The following GATA4 variants were observed in gnomAD, a reference collection of about 807,000 sequenced individuals.
GATA4 encodes the protein GATA binding protein 4.
GATA4 carries 7 observed loss-of-function variants against 37.9 expected under a neutral mutation model. The observed-to-expected ratio is 0.18, with a 90% confidence interval of 0.11 to 0.35. GATA4 has a LOEUF of 0.35. Ranked by LOEUF, GATA4 falls within the 10% of genes least tolerant of loss-of-function variation. GATA4 has a pLI of 1.00. For missense variants in GATA4, 647 were observed against 653.0 expected (o/e 0.99, Z 0.10); for synonymous variants, 372 against 292.6 (o/e 1.27, Z -2.77).
chr8:11,692,475 C>G (rs1024238326), upstream of GATA4: 8 of 969,636 alleles, frequency 8.3e-6, no homozygotes, highest in Non-Finnish European at 9.8e-6. Context: ...TGACCGGTGT[C>G]CTGAATTTTC....
chr8:11,681,491 G>A, intron 1 of GATA4: 4 of 731,948 alleles, frequency 5.5e-6, no homozygotes, highest in Non-Finnish European at 6.0e-6. Context: ...TGCGGCGCTC[G>A]CGGGGGGGGG....
At chr8:11,688,381 T>G (rs930662824), upstream of GATA4, among the ~76,000 whole-genome samples, 8 of 152,264 alleles carry the variant, frequency 5.3e-5, no homozygotes, top group African/African-American at 1.9e-4. Flanking sequence ...TTCATTCTTT[T>G]GAGTATGTAT....
Position 11,708,544 on chromosome 8 carries a change from G to A in GATA4, c.232G>A (p.Ala78Thr). 2 of 1,431,156 alleles carry A rather than the reference G, an allele frequency of 1.4e-6. No individual in the cohort carries two copies. Among genetic ancestry groups the A allele is most frequent in the Non-Finnish European group, 1.8e-6 (2 of 1,100,092 alleles). The allele number at this position is 1,431,156 out of a possible 1,614,324, so 88.7% of individuals were successfully genotyped here. The change falls in exon 2 of 7, where the codon GCG (alanine) becomes ACG (threonine). Residue 78 changes from alanine (A) to threonine (T), a missense_variant. Physicochemically the swap from Ala to Thr is moderately conservative, Grantham distance 58 (BLOSUM62 0). Coordinates refer to ENST00000532059, the MANE Select transcript of GATA4 (RefSeq NM_001308093.3). This position sits in a 1 kb window ranked among gnomAD's most constrained non-coding sequence, Gnocchi z 6.7. ...GGSSGGAASGAGPGTQQGSPG... is the reference protein window; with the variant it reads ...GGSSGGAASGTGPGTQQGSPG... Reference sequence around the variant, plus strand: ...CAGCTCCGGTGGGGCCGCGTCTGGTGCGGGGCCCGGGACCCAGCAGGGCAG... The same window carrying A: ...CAGCTCCGGTGGGGCCGCGTCTGGTACGGGGCCCGGGACCCAGCAGGGCAG...
At position 11,754,418 on chromosome 8, in the gene GATA4, A is replaced by G. The variant is rs146592884; in HGVS notation, c.913-628A>G. Among the ~76,000 whole-genome samples, 349 of 152,210 alleles carry G rather than the reference A, an allele frequency of 2.3e-3. 2 individuals are homozygous for G. Among genetic ancestry groups the G allele is most frequent in the Admixed American group, 0.016 (249 of 15,298 alleles). Reference sequence around the variant, plus strand: ...TTTTTTGTAGAGATGGGGTCTCACTATGTTGCCAAGGATGGTCTCGAACTC... The same window carrying G: ...TTTTTTGTAGAGATGGGGTCTCACTGTGTTGCCAAGGATGGTCTCGAACTC... On this transcript the variant is annotated intron_variant, in intron 4 of 6. Coordinates refer to ENST00000532059, the MANE Select transcript of GATA4 (RefSeq NM_001308093.3).
At chr8:11,727,263 G>A (rs990114354) in intron 2 of GATA4, among the ~76,000 whole-genome samples, 2 of 152,158 alleles carry the variant, frequency 1.3e-5, no homozygotes, top group African/African-American at 4.8e-5. Context: ...CACATCTCCA[G>A]GAGTGGCATT....
upstream of GATA4, chr8:11,692,180 C>T (rs1799335473): frequency 2.9e-6 from 1 of 344,906 alleles, no homozygotes; most frequent in Admixed American, 6.5e-5. Context: ...CCTACTTCCC[C>T]AAAGGCAAGA....
At chr8:11,714,593 C>T (rs901773202) in intron 2 of GATA4, among the ~76,000 whole-genome samples, 1 of 152,096 alleles carries the variant, frequency 6.6e-6, no homozygotes, top group South Asian at 2.1e-4. Flanking sequence ...AAGCTGAGAA[C>T]GAATTAAATA....
intron 2 of GATA4, among the ~76,000 whole-genome samples, chr8:11,731,263 T>C (rs1021065079): frequency 6.6e-6 from 1 of 152,254 alleles, no homozygotes; most frequent in Admixed American, 6.5e-5. Context: ...CCAATGTTTA[T>C]TTTCTTGTAA....
intron 2 of GATA4, among the ~76,000 whole-genome samples, chr8:11,738,771 G>C (rs532860926): frequency 6.6e-6 from 1 of 152,200 alleles, no homozygotes; most frequent in Non-Finnish European, 1.5e-5. Context: ...TCAATGCCCA[G>C]GGTGTCTGCT....
At chr8:11,715,466 C>T (rs1384541455) in intron 2 of GATA4, among the ~76,000 whole-genome samples, 1 of 152,136 alleles carries the variant, frequency 6.6e-6, no homozygotes, top group African/African-American at 2.4e-5. Flanking sequence ...TTCAAATCAT[C>T]GGCTGGGTGC....
chr8:11,733,685 C>A (rs909066343), intron 2 of GATA4, among the ~76,000 whole-genome samples: 11 of 152,336 alleles, frequency 7.2e-5, no homozygotes, highest in African/African-American at 2.6e-4. Context: ...GGAAAAATGT[C>A]TAAACAGATA....
At position 11,709,585 on chromosome 8, in the gene GATA4, G is replaced by T. The variant is rs917624907; in HGVS notation, c.616+657G>T. 1.4e-5 allele frequency among the ~76,000 whole-genome samples: 2 copies of T among 140,026 alleles called. No individual in the cohort carries two copies. Among genetic ancestry groups the T allele is most frequent in the Admixed American group, 6.9e-5 (1 of 14,496 alleles). The allele number at this position is 140,026 out of a possible 152,430, so 91.9% of individuals were successfully genotyped here. A position where few individuals can be genotyped will look rare whatever the true frequency, so the allele number is the denominator to read the frequency against. On this transcript the variant is annotated intron_variant, in intron 2 of 6. Transcript: ENST00000532059. The surrounding 1 kb of genome is among the most constrained non-coding windows in gnomAD (Gnocchi z 4.3). ...GCATCATGCGGGCAGCGGGGGGGGG[G>T]GCGCACACGCCCGGTCAGTGTCCGG...
At chr8:11,703,653 A>C (rs1799764708), upstream of GATA4, among the ~76,000 whole-genome samples, 1 of 152,238 alleles carries the variant, frequency 6.6e-6, no homozygotes, top group Non-Finnish European at 1.5e-5. Context: ...TGGGAAGGCA[A>C]AAGGGAGGCT....
rs143968297 is a variant in GATA4 at position 11,721,003 on chromosome 8, A to G, written c.616+12075A>G. Among the ~76,000 whole-genome samples the G allele has an allele frequency of 3.6e-3, 544 of 152,092 alleles. 6 individuals are homozygous for G. Among genetic ancestry groups the G allele is most frequent in the African/African-American group, 0.013 (529 of 41,482 alleles). On this transcript the variant is annotated intron_variant, in intron 2 of 6. Coordinates refer to ENST00000532059, the MANE Select transcript of GATA4 (RefSeq NM_001308093.3). ...CACCAGCCAATAAATACTTCTCCCC[A>G]TTCCCTGTGAGCCTGGCGCTGGTCA...
chr8:11,730,042 C>T (rs1801129843), intron 2 of GATA4, among the ~76,000 whole-genome samples: 1 of 152,186 alleles, frequency 6.6e-6, no homozygotes, highest in African/African-American at 2.4e-5. Context: ...CCTCACACCT[C>T]AGCCTCCTGA....
rs767601053 is a variant in GATA4, at chr8:11,755,032, T to C, written c.913-14T>C. Reference sequence around the variant, plus strand: ...GAAATGGAAAACCCTATATATTTACTTGTGACCCTCCAGGTCCCCAGGCCT... The same window carrying C: ...GAAATGGAAAACCCTATATATTTACCTGTGACCCTCCAGGTCCCCAGGCCT... On this transcript the variant is annotated splice_polypyrimidine_tract_variant and intron_variant, in intron 4 of 6. Transcript: ENST00000532059. The C allele has an allele frequency of 2.7e-5, 43 of 1,608,280 alleles. No individual in the cohort carries two copies. The highest frequency in any genetic ancestry group is 8.3e-5 in the Admixed American group (5 of 59,966).
intron 1 of GATA4, chr8:11,680,771 A>C (rs1347578624): frequency 1.0e-5 from 10 of 985,082 alleles, no homozygotes; most frequent in Non-Finnish European, 1.1e-5. Context: ...CCCTCTCCAG[A>C]TGCGAGGTGC....
chr8:11,734,642 A>G (rs530500700), intron 2 of GATA4, among the ~76,000 whole-genome samples: 18 of 152,234 alleles, frequency 1.2e-4, no homozygotes, highest in African/African-American at 4.3e-4. Context: ...ATGCACCACC[A>G]TGCTCGGCTA....
At chr8:11,750,736 C>G (rs1215254022) in intron 4 of GATA4, among the ~76,000 whole-genome samples, 2 of 139,754 alleles carry the variant, frequency 1.4e-5, no homozygotes, top group African/African-American at 5.4e-5. Context: ...ATTTCAAAAC[C>G]AACCTGGACA....
Sources: gnomAD v4.1 joint callset for allele counts (sites outside exome capture counted in the v4.1 genomes callset) on GRCh38, gnomAD v4.1.1 for gene constraint, Gnocchi (gnomAD v3.1) non-coding constraint, MANE v1.5 for transcripts, NCBI Gene and HGNC (gene_info 2026-07-23, HGNC 2026-07-21) for gene names.